The following TMPRSS11E variants were observed in gnomAD, a reference collection of about 807,000 sequenced individuals.
The protein encoded by TMPRSS11E is transmembrane protease serine 11E.
A neutral mutation model predicts 48.1 loss-of-function variants in TMPRSS11E; 38 were observed. The ratio of observed to expected loss-of-function variants is 0.79; its 90% CI spans 0.61 to 1.04. The LOEUF (loss-of-function observed/expected upper bound fraction) is 1.04, where lower values mean the gene tolerates loss of function less well. TMPRSS11E is among the 50% of genes least tolerant of loss of function. The pLI, the probability that TMPRSS11E is intolerant of heterozygous loss-of-function variation, is 0.00. For synonymous variants in TMPRSS11E, 158 were observed against 171.9 expected (o/e 0.92, Z 0.63); for missense variants, 530 against 510.8 (o/e 1.04, Z -0.36).
In TMPRSS11E at chr4:68,487,659, C is replaced by T. The variant is rs531580642; in HGVS notation, c.1110+8668C>T. On this transcript the variant is annotated intron_variant, in intron 9 of 9. Transcript: ENST00000305363. ...ACATTTGCTTGTCTGAAAAAGATTC[C>T]GTTTCTCCTTCGCTTATGAAGCTTA... Among the ~76,000 whole-genome samples the T allele has an allele frequency of 1.2e-4, 18 of 152,106 alleles. No homozygotes were observed. In the South Asian group the frequency reaches 1.9e-3, roughly 16 times the overall value.
At chr4:68,471,214 C>T (rs1363003224) in intron 4 of TMPRSS11E, among the ~76,000 whole-genome samples, 2 of 151,284 alleles carry the variant, frequency 1.3e-5, no homozygotes, top group African/African-American at 4.8e-5. Context: ...TGTGATATTA[C>T]CCTTCTTTCT....
intron 1 of TMPRSS11E, among the ~76,000 whole-genome samples, chr4:68,453,183 C>T (rs1326020481): frequency 1.3e-5 from 2 of 151,870 alleles, no homozygotes; most frequent in African/African-American, 4.8e-5. Context: ...TGACAATGGC[C>T]AACTTTTGTG....
chr4:68,466,776 T>C (rs1230861249), intron 3 of TMPRSS11E, 24 bp downstream of exon 3: 1 of 1,612,842 alleles, frequency 6.2e-7, no homozygotes, highest in Non-Finnish European at 8.5e-7. Flanking sequence ...CATCTACTTC[T>C]AGTGCATTTG....
chr4:68,471,418 T>C lies in TMPRSS11E; in HGVS notation c.327-42T>C, dbSNP rs757652448. ...CCTCCCTTCCTGCCTTTCTTTCTTC[T>C]TTTCTTTTCTTTCTTTCATTTTCTT... On this transcript the variant is annotated intron_variant, in intron 4 of 9. Transcript: ENST00000305363. 1.8e-5 allele frequency: 14 copies of C among 773,888 alleles called. No individual in the cohort carries two copies. In the South Asian group the frequency reaches 5.2e-4, roughly 29 times the overall value. 47.9% of individuals were successfully genotyped at this position (773,888 alleles called of 1,614,324 possible).
At position 68,477,362 on chromosome 4, in the gene TMPRSS11E, TCCCCAGA is replaced by T; in HGVS notation, c.708-6_708del. On this transcript the variant is annotated splice_acceptor_variant and splice_polypyrimidine_tract_variant and coding_sequence_variant and intron_variant, in exon 8 of 10. Transcript: ENST00000305363. LOFTEE classifies it high-confidence loss of function. ...AAGAAATTTATTCTTCATTTTTTTC[TCCCCAGA>T]TATAAGAACCCTGCCAGATGGACTG... The T allele has an allele frequency of 1.3e-6, 2 of 1,585,778 alleles. No individual in the cohort carries two copies. Among genetic ancestry groups the T allele is most frequent in the African/African-American group, 1.4e-5 (1 of 73,242 alleles).
At position 68,479,051 on chromosome 4, in the gene TMPRSS11E, A is replaced by G. The variant is rs1729328924; in HGVS notation, c.1110+60A>G. On this transcript the variant is annotated intron_variant, in intron 9 of 9. Coordinates refer to ENST00000305363, the MANE Select transcript of TMPRSS11E (RefSeq NM_014058.4). ...TTTTTGTTTACTTTTCTTTGAAATA[A>G]TTATATATCTACAGGAAGTTGCAAA... 6 of 1,590,600 alleles carry G rather than the reference A, an allele frequency of 3.8e-6. 1 individual carries two copies. In the South Asian group the frequency reaches 5.6e-5, roughly 15 times the overall value.
At chr4:68,491,442 T>A (rs887064591) in intron 9 of TMPRSS11E, among the ~76,000 whole-genome samples, 1 of 152,120 alleles carries the variant, frequency 6.6e-6, no homozygotes, top group African/African-American at 2.4e-5. Flanking sequence ...GCCCAGGTAT[T>A]TTTTTGTTTG....
chr4:68,488,494 T>C (rs1214144507), intron 9 of TMPRSS11E, among the ~76,000 whole-genome samples: 1 of 152,146 alleles, frequency 6.6e-6, no homozygotes, highest in Non-Finnish European at 1.5e-5. Context: ...TTTTCAGCTC[T>C]AGGAGATCAG....
At chr4:68,461,607 G>A (rs1728792423) in intron 1 of TMPRSS11E, among the ~76,000 whole-genome samples, 1 of 152,138 alleles carries the variant, frequency 6.6e-6, no homozygotes, top group Non-Finnish European at 1.5e-5. Context: ...TTATGGATGA[G>A]GAAACCCAAG....
intron 1 of TMPRSS11E, among the ~76,000 whole-genome samples, chr4:68,458,606 T>C (rs1728698709): frequency 1.3e-5 from 2 of 152,154 alleles, no homozygotes; most frequent in Admixed American, 1.3e-4. Flanking sequence ...ATATGTAAAA[T>C]AAATTTATTC....
intron 9 of TMPRSS11E, among the ~76,000 whole-genome samples, chr4:68,487,666 C>T (rs374028600): frequency 6.6e-6 from 1 of 152,020 alleles, no homozygotes; most frequent in African/African-American, 2.4e-5. Context: ...TTCCGTTTCT[C>T]CTTCGCTTAT....
intron 9 of TMPRSS11E, among the ~76,000 whole-genome samples, chr4:68,488,787 C>T (rs1261273684): frequency 6.6e-6 from 1 of 152,182 alleles, no homozygotes; most frequent in Admixed American, 6.5e-5. Flanking sequence ...GATCTACCCA[C>T]CTTCGGCCTC....
rs1729248354 is a variant in TMPRSS11E, at chr4:68,477,279, AT to A, written c.708-89del. 8 of 1,294,432 alleles carry A rather than the reference AT, an allele frequency of 6.2e-6. No homozygotes were observed. In the East Asian group the frequency reaches 1.2e-4, roughly 19 times the overall value. The allele number at this position is 1,294,432 out of a possible 1,614,324, so 80.2% of individuals were successfully genotyped here. A position where few individuals can be genotyped will look rare whatever the true frequency, so the allele number is the denominator to read the frequency against. On this transcript the variant is annotated intron_variant, in intron 7 of 9. Coordinates refer to ENST00000305363, the MANE Select transcript of TMPRSS11E (RefSeq NM_014058.4). ...ATCAAAACTATAAAAAGAAAAAAAA[AT>A]CTACACCTGTAGACTAAATTATTTA...
chr4:68,457,972 A>G (rs1352022298), intron 1 of TMPRSS11E, among the ~76,000 whole-genome samples: 1 of 152,082 alleles, frequency 6.6e-6, no homozygotes. Flanking sequence ...TAGGAGAAAT[A>G]CCTAATGTAG....
intron 9 of TMPRSS11E, among the ~76,000 whole-genome samples, chr4:68,496,370 A>C (rs3792631): frequency 0.5 from 76,489 of 151,732 alleles, 21,584 homozygotes; most frequent in Non-Finnish European, 0.65. Flanking sequence ...TTAAGAGTAC[A>C]GTTCTTCAAA....
chr4:68,490,751 CTTTTTT>C (rs1158277585), intron 9 of TMPRSS11E, among the ~76,000 whole-genome samples: 4 of 69,324 alleles, frequency 5.8e-5, no homozygotes, highest in Admixed American at 2.3e-4. Flanking sequence ...TCAGCATATT[CTTTTTT>C]TTTTTTTTTT....
rs1170551880 is a variant in TMPRSS11E, at chr4:68,497,256, C to T, written c.*452C>T. On this transcript the variant is annotated 3_prime_UTR_variant, in exon 10 of 10. Coordinates refer to ENST00000305363, the MANE Select transcript of TMPRSS11E (RefSeq NM_014058.4). Reference sequence around the variant, plus strand: ...GAAAATATAAGAAGAAAAAAATCCCCTACATTTTATTGGCACAGAAAAGTA... The same window carrying T: ...GAAAATATAAGAAGAAAAAAATCCCTTACATTTTATTGGCACAGAAAAGTA... 6.6e-6 allele frequency: 1 copy of T among 152,486 alleles called. No homozygotes were observed. Among genetic ancestry groups the T allele is most frequent in the Non-Finnish European group, 1.5e-5 (1 of 68,386 alleles). 9.4% of individuals were successfully genotyped at this position (152,486 alleles called of 1,614,324 possible).
At chr4:68,458,607 A>T (rs1728698818) in intron 1 of TMPRSS11E, among the ~76,000 whole-genome samples, 1 of 152,224 alleles carries the variant, frequency 6.6e-6, no homozygotes, top group Non-Finnish European at 1.5e-5. Context: ...TATGTAAAAT[A>T]AATTTATTCC....
intron 1 of TMPRSS11E, among the ~76,000 whole-genome samples, chr4:68,452,949 T>G (rs1159700318): frequency 6.6e-6 from 1 of 151,940 alleles, no homozygotes; most frequent in Non-Finnish European, 1.5e-5. Context: ...GGTCCGAAGA[T>G]GAACGCTTTT....
Sources: gnomAD v4.1 joint callset for allele counts (sites outside exome capture counted in the v4.1 genomes callset) on GRCh38, gnomAD v4.1.1 for gene constraint, MANE v1.5 for transcripts, NCBI Gene and HGNC (gene_info 2026-07-23, HGNC 2026-07-21) for gene names.